FRMD4A: variants seen among roughly 807,000 people sequenced by gnomAD.
FRMD4A encodes the protein FERM domain containing 4A.
In FRMD4A, 29 loss-of-function variants were observed where a neutral mutation model predicts 129.1. The observed-to-expected ratio is 0.22, with a 90% CI of 0.17 to 0.31. FRMD4A has a LOEUF of 0.31. Ranked by LOEUF, FRMD4A falls within the 10% of genes least tolerant of loss-of-function variation. FRMD4A has a pLI of 1.00. For missense variants in FRMD4A, 1,272 were observed against 1,375.8 expected (o/e 0.92, Z 1.19); for synonymous variants, 634 against 571.6 (o/e 1.11, Z -1.56).
intron 2 of FRMD4A, among the ~76,000 whole-genome samples, chr10:14,253,462 A>AC (rs926394597): frequency 7.2e-5 from 11 of 152,226 alleles, no homozygotes; most frequent in Non-Finnish European, 1.5e-4. Flanking sequence ...TGGGAAACCA[A>AC]CTTTTTTTTG....
At chr10:13,792,124 T>A (rs529251344) in intron 5 of FRMD4A, among the ~76,000 whole-genome samples, 1 of 151,658 alleles carries the variant, frequency 6.6e-6, no homozygotes, top group East Asian at 2.0e-4. Flanking sequence ...AGGGGCACTC[T>A]GCCAGGGGAG....
chr10:13,956,554 C>T (rs868597076), intron 2 of FRMD4A, among the ~76,000 whole-genome samples: 32 of 152,164 alleles, frequency 2.1e-4, no homozygotes, highest in African/African-American at 5.3e-4. Flanking sequence ...AGTCCATGCA[C>T]GGGTAAATGG....
At chr10:13,858,279 T>C (rs1003677437) in intron 3 of FRMD4A, among the ~76,000 whole-genome samples, 7 of 151,942 alleles carry the variant, frequency 4.6e-5, no homozygotes, top group African/African-American at 2.4e-5. Flanking sequence ...ACTAAAAATA[T>C]AAAAAATTAG....
intron 2 of FRMD4A, among the ~76,000 whole-genome samples, chr10:14,329,228 C>T (rs907750173): frequency 6.6e-6 from 1 of 152,162 alleles, no homozygotes; most frequent in African/African-American, 2.4e-5. Context: ...GAAACATTTC[C>T]ATGCCAAGCC....
At chr10:13,691,063 C>T (rs1046375380) in intron 15 of FRMD4A, among the ~76,000 whole-genome samples, 1 of 152,212 alleles carries the variant, frequency 6.6e-6, no homozygotes, top group Non-Finnish European at 1.5e-5. Flanking sequence ...TCTTAGCTCA[C>T]TGCAACCTCC....
chr10:14,065,520 G>GGTA (rs776621616), intron 2 of FRMD4A, among the ~76,000 whole-genome samples: 26 of 152,010 alleles, frequency 1.7e-4, no homozygotes, highest in Non-Finnish European at 2.9e-4. Flanking sequence ...TCTCCTTTGA[G>GGTA]GTAGCATCCA....
chr10:14,263,708 G>A (rs1844883236), intron 2 of FRMD4A, among the ~76,000 whole-genome samples: 2 of 152,124 alleles, frequency 1.3e-5, no homozygotes, highest in South Asian at 4.2e-4. Context: ...CAGGGTTAGG[G>A]CACAAGCAGG....
At chr10:13,864,025 T>C (rs1028331562) in intron 2 of FRMD4A, among the ~76,000 whole-genome samples, 1 of 152,112 alleles carries the variant, frequency 6.6e-6, no homozygotes, top group African/African-American at 2.4e-5. Context: ...AGATGGAGTC[T>C]CATTTTGTTG....
intron 2 of FRMD4A, among the ~76,000 whole-genome samples, chr10:14,092,410 C>T (rs1020721846): frequency 3.3e-5 from 5 of 152,202 alleles, no homozygotes; most frequent in African/African-American, 4.8e-5. Context: ...AGGACTGGGC[C>T]GACTGGGAGC....
intron 1 of FRMD4A, 37 bp from the exon 2 acceptor site, chr10:14,330,220 C>A (rs1050370750): frequency 4.9e-5 from 50 of 1,011,480 alleles, no homozygotes; most frequent in Non-Finnish European, 7.0e-5. Flanking sequence ...ACTTAGGGAG[C>A]AAAAGGCTCA....
At chr10:13,876,687 CTTA>C (rs1227529776) in intron 2 of FRMD4A, among the ~76,000 whole-genome samples, 1 of 151,964 alleles carries the variant, frequency 6.6e-6, no homozygotes, top group Non-Finnish European at 1.5e-5. Flanking sequence ...AACTATGGGT[CTTA>C]TTATACAATA....
At chr10:13,699,071 T>C (rs978831382) in intron 14 of FRMD4A, among the ~76,000 whole-genome samples, 8 of 131,418 alleles carry the variant, frequency 6.1e-5, no homozygotes, top group Non-Finnish European at 1.0e-4. Context: ...TTTTTTTTTT[T>C]CTGAGATGGA....
intron 2 of FRMD4A, among the ~76,000 whole-genome samples, chr10:13,985,099 T>G (rs958925118): frequency 1.3e-5 from 2 of 152,258 alleles, no homozygotes; most frequent in Non-Finnish European, 2.9e-5. Flanking sequence ...GGTAACCCTG[T>G]GCTCCTTTGA....
intron 13 of FRMD4A, among the ~76,000 whole-genome samples, 168 bp from the exon 14 acceptor site, chr10:13,701,646 G>T (rs1541005): frequency 6.6e-6 from 1 of 152,202 alleles, no homozygotes; most frequent in African/African-American, 2.4e-5. Flanking sequence ...TGCGCACACA[G>T]CTTACAGACA....
chr10:14,325,192 G>T (rs1843223440), intron 2 of FRMD4A, among the ~76,000 whole-genome samples: 1 of 152,200 alleles, frequency 6.6e-6, no homozygotes, highest in East Asian at 1.9e-4. Flanking sequence ...CTTTTTGACA[G>T]TTGGGATCTG....
At chr10:13,938,243 T>C (rs1461864447) in intron 2 of FRMD4A, among the ~76,000 whole-genome samples, 2 of 152,082 alleles carry the variant, frequency 1.3e-5, no homozygotes, top group Admixed American at 6.6e-5. Flanking sequence ...TGTTTGTTTG[T>C]TTGTTTGTTT....
intron 2 of FRMD4A, among the ~76,000 whole-genome samples, chr10:14,296,178 C>A (rs192593934): frequency 1.2e-4 from 18 of 152,244 alleles, no homozygotes; most frequent in Non-Finnish European, 1.8e-4. Flanking sequence ...AAATTTTAAG[C>A]CCTTTATCGG....
At chr10:13,912,537 T>C in intron 2 of FRMD4A, among the ~76,000 whole-genome samples, 1 of 147,844 alleles carries the variant, frequency 6.8e-6, no homozygotes, top group Admixed American at 6.7e-5. Context: ...TTTTTTTTTT[T>C]TTTTTTTTTG....
chr10:13,787,877 GAAAA>G (rs35463521), intron 5 of FRMD4A, among the ~76,000 whole-genome samples: 1 of 146,418 alleles, frequency 6.8e-6, no homozygotes, highest in East Asian at 2.0e-4. Flanking sequence ...CAAAAAAAAA[GAAAA>G]AAAAAAAAAG....
Sources: gnomAD v4.1 joint callset for allele counts (sites outside exome capture counted in the v4.1 genomes callset) on GRCh38, gnomAD v4.1.1 for gene constraint, MANE v1.5 for transcripts, NCBI Gene and HGNC (gene_info 2026-07-23, HGNC 2026-07-21) for gene names.